RFX7: variants seen among roughly 807,000 people sequenced by gnomAD.
The protein encoded by RFX7 is regulatory factor X7, also known as DNA-binding protein RFX7.
A neutral mutation model predicts 111.8 loss-of-function variants in RFX7; 26 were observed. The observed-to-expected ratio is 0.23, with a 90% confidence interval of 0.17 to 0.32. The LOEUF (loss-of-function observed/expected upper bound fraction) is 0.32. RFX7 is among the 10% of genes least tolerant of loss of function. The probability of loss-of-function intolerance (pLI) is 1.00; values close to 1 mark genes in which losing one functional copy is unlikely to be tolerated. For missense variants in RFX7, 1,573 were observed against 1,772.9 expected, an observed-to-expected ratio of 0.89 and a Z score of 2.02; for synonymous variants, 624 against 624.4, an observed-to-expected ratio of 1.00 and a Z score of 0.01.
At chr15:56,150,570 A>G (rs2042555821) in intron 3 of RFX7, among the ~76,000 whole-genome samples, 1 of 152,244 alleles carries the variant, frequency 6.6e-6, no homozygotes, top group Non-Finnish European at 1.5e-5. Flanking sequence ...GGTCACCAAC[A>G]TCAAAGACAA....
At chr15:56,155,037 A>T (rs1188666073) in intron 3 of RFX7, among the ~76,000 whole-genome samples, 3 of 152,228 alleles carry the variant, frequency 2.0e-5, no homozygotes, top group Admixed American at 6.5e-5. Context: ...GCTCATCATC[A>T]CTGGTCACTA....
chr15:56,126,997 C>T (rs1229031508), intron 5 of RFX7, among the ~76,000 whole-genome samples: 1 of 152,012 alleles, frequency 6.6e-6, no homozygotes, highest in African/African-American at 2.4e-5. Context: ...ACACTATAAA[C>T]CAACTAGACC....
At chr15:56,228,551 T>C (rs1333330657) in intron 2 of RFX7, among the ~76,000 whole-genome samples, 5 of 152,166 alleles carry the variant, frequency 3.3e-5, no homozygotes, top group African/African-American at 1.2e-4. Flanking sequence ...AAAAAGAAGA[T>C]AATGATGACT....
intron 3 of RFX7, among the ~76,000 whole-genome samples, chr15:56,155,567 G>T (rs1179557485): frequency 6.6e-6 from 1 of 152,106 alleles, no homozygotes; most frequent in Non-Finnish European, 1.5e-5. Context: ...TGAACAATGA[G>T]AACACATGGA....
At chr15:56,172,850 T>G (rs1439113007) in intron 3 of RFX7, among the ~76,000 whole-genome samples, 1 of 152,202 alleles carries the variant, frequency 6.6e-6, no homozygotes, top group East Asian at 1.9e-4. Flanking sequence ...TTAAAATAGC[T>G]GTTAATAGAC....
chr15:56,176,362 C>T (rs774396635), intron 3 of RFX7, among the ~76,000 whole-genome samples: 9 of 152,050 alleles, frequency 5.9e-5, no homozygotes, highest in African/African-American at 1.4e-4. Flanking sequence ...CCACTATATA[C>T]GTAGTCAAAC....
At chr15:56,206,718 A>C (rs2043256191) in intron 2 of RFX7, among the ~76,000 whole-genome samples, 1 of 151,790 alleles carries the variant, frequency 6.6e-6, no homozygotes, top group Non-Finnish European at 1.5e-5. Flanking sequence ...ACTAGAGGTC[A>C]TTATTTTAAG....
At chr15:56,226,667 A>G (rs952593867) in intron 2 of RFX7, among the ~76,000 whole-genome samples, 2 of 152,356 alleles carry the variant, frequency 1.3e-5, no homozygotes, top group East Asian at 3.8e-4. Context: ...AAAGTAATAC[A>G]GAGAGAAAAT....
chr15:56,244,891 AT>A (rs1436425383), upstream of RFX7, among the ~76,000 whole-genome samples: 2 of 151,802 alleles, frequency 1.3e-5, no homozygotes, highest in Non-Finnish European at 2.9e-5. Flanking sequence ...GAGCAGAAGA[AT>A]TGGCTTTTCT....
Position 56,108,784 on chromosome 15 carries a change from A to G in RFX7, c.402-5114T>C, listed in dbSNP as rs183666154. Among the ~76,000 whole-genome samples, 12 of 152,318 alleles carry G rather than the reference A, an allele frequency of 7.9e-5. No individual in the cohort carries two copies. In the East Asian group the frequency reaches 1.7e-3, roughly 22 times the overall value. ...CTCTGTCTGTAGACAACATGATCCT[A>G]TATTTAGAAAACCCTATTGTCTCAG... On this transcript the variant is annotated intron_variant, in intron 5 of 9. Coordinates refer to ENST00000559447, the MANE Select transcript of RFX7 (RefSeq NM_022841.7).
intron 2 of RFX7, among the ~76,000 whole-genome samples, chr15:56,242,109 C>T (rs2043698065): frequency 6.6e-6 from 1 of 152,036 alleles, no homozygotes; most frequent in South Asian, 2.1e-4. Flanking sequence ...CAATGATGGC[C>T]CTGCAAAGAT....
chr15:56,147,896 G>A (rs1014787996), intron 3 of RFX7, among the ~76,000 whole-genome samples: 11 of 152,178 alleles, frequency 7.2e-5, no homozygotes, highest in African/African-American at 2.7e-4. Flanking sequence ...TTTTAACAGA[G>A]ATTTGCACAT....
chr15:56,176,740 A>C (rs1342615963), intron 3 of RFX7, among the ~76,000 whole-genome samples: 1 of 152,038 alleles, frequency 6.6e-6, no homozygotes, highest in East Asian at 1.9e-4. Flanking sequence ...TCCACATTGA[A>C]TCTATCAGCA....
At chr15:56,122,492 T>C (rs1326985064) in intron 5 of RFX7, among the ~76,000 whole-genome samples, 1 of 152,192 alleles carries the variant, frequency 6.6e-6, no homozygotes, top group Admixed American at 6.5e-5. Context: ...GAAACAAGCA[T>C]AGCACTGGGT....
At chr15:56,131,457 T>C (rs1470028147) in intron 5 of RFX7, among the ~76,000 whole-genome samples, 1 of 152,006 alleles carries the variant, frequency 6.6e-6, no homozygotes, top group East Asian at 1.9e-4. Flanking sequence ...CAGGGTCTTG[T>C]TTTGTTGCCC....
At chr15:56,106,194 T>C (rs1336544239) in intron 5 of RFX7, among the ~76,000 whole-genome samples, 2 of 152,210 alleles carry the variant, frequency 1.3e-5, no homozygotes, top group African/African-American at 4.8e-5. Context: ...CAATGCCAAA[T>C]TTGTTTTTCA....
At chr15:56,169,675 C>T (rs2042820548) in intron 3 of RFX7, among the ~76,000 whole-genome samples, 1 of 150,482 alleles carries the variant, frequency 6.6e-6, no homozygotes, top group Non-Finnish European at 1.5e-5. Context: ...TGCTCTGAGC[C>T]ACTCTGCTAT....
intron 5 of RFX7, among the ~76,000 whole-genome samples, chr15:56,121,294 G>T (rs1289981960): frequency 1.3e-5 from 2 of 152,138 alleles, no homozygotes; most frequent in Non-Finnish European, 2.9e-5. Context: ...CAGCACTTCA[G>T]ATATGTCATG....
rs553025231 is a variant in RFX7, at chr15:56,114,720, C to G, written c.402-11050G>C. 1.4e-4 allele frequency among the ~76,000 whole-genome samples: 22 copies of G among 152,018 alleles called. No homozygotes were observed. In the East Asian group the frequency reaches 4.1e-3, roughly 28 times the overall value. ...AATTATTTATATATAAAAAAACTAT[C>G]ATATATGACCCTCCTTAACCAGGAC... On this transcript the variant is annotated intron_variant, in intron 5 of 9. Coordinates refer to ENST00000559447, the MANE Select transcript of RFX7 (RefSeq NM_022841.7).
Sources: gnomAD v4.1 joint callset for allele counts (sites outside exome capture counted in the v4.1 genomes callset) on GRCh38, gnomAD v4.1.1 for gene constraint, MANE v1.5 for transcripts, NCBI Gene and HGNC (gene_info 2026-07-23, HGNC 2026-07-21) for gene names.